SRGAP1: variants seen among roughly 807,000 people sequenced by gnomAD.
The protein encoded by SRGAP1 is SLIT-ROBO Rho GTPase-activating protein 1.
In SRGAP1, 43 loss-of-function variants were observed where a neutral mutation model predicts 121.9. The observed-to-expected ratio is 0.35, with a 90% CI of 0.28 to 0.46. The LOEUF is 0.46. SRGAP1 is among the 20% of genes least tolerant of loss of function. SRGAP1 has a pLI of 1.00. For synonymous variants in SRGAP1, 447 were observed against 485.4 expected (o/e 0.92, Z 1.04); for missense variants, 1,102 against 1,350.9 (o/e 0.82, Z 2.89).
intron 8 of SRGAP1, among the ~76,000 whole-genome samples, chr12:64,075,079 A>T (rs1282383969): frequency 6.6e-6 from 1 of 152,102 alleles, no homozygotes; most frequent in Non-Finnish European, 1.5e-5. Flanking sequence ...ACACGCACAG[A>T]AATATAGAGG....
intron 1 of SRGAP1, among the ~76,000 whole-genome samples, chr12:63,908,620 C>T (rs1208357931): frequency 2.0e-5 from 3 of 152,170 alleles, no homozygotes; most frequent in Admixed American, 1.3e-4. Context: ...GAACTCCTGA[C>T]CTCAAGTGAT....
intron 8 of SRGAP1, among the ~76,000 whole-genome samples, chr12:64,073,078 C>T (rs1046294215): frequency 3.9e-5 from 6 of 152,098 alleles, no homozygotes; most frequent in Admixed American, 2.6e-4. Context: ...TTAGCTGTTT[C>T]ATATTTGCCT....
intron 4 of SRGAP1, among the ~76,000 whole-genome samples, chr12:64,024,505 T>C (rs1180010717): frequency 6.6e-6 from 1 of 152,202 alleles, no homozygotes; most frequent in Non-Finnish European, 1.5e-5. Flanking sequence ...AGCCTTTCAT[T>C]TAGCTTTAGT....
intron 8 of SRGAP1, among the ~76,000 whole-genome samples, chr12:64,073,839 C>G (rs1329368520): frequency 6.8e-6 from 1 of 146,864 alleles, no homozygotes; most frequent in East Asian, 2.0e-4. Flanking sequence ...GTTCATGATT[C>G]TTTTTGCGTT....
chr12:64,133,114 G>A (rs2036810691), intron 21 of SRGAP1, among the ~76,000 whole-genome samples: 1 of 152,214 alleles, frequency 6.6e-6, no homozygotes, highest in South Asian at 2.1e-4. Flanking sequence ...AGAGTTGAAT[G>A]AGGATGTGGT....
At chr12:64,101,308 GGTGTGTGT>G (rs59020353) in intron 15 of SRGAP1, among the ~76,000 whole-genome samples, 2,229 of 138,080 alleles carry the variant, frequency 0.016, 49 homozygotes, top group African/African-American at 0.056. Flanking sequence ...TGGGGAAAGG[GGTGTGTGT>G]GTGTGTGTGT....
intron 8 of SRGAP1, among the ~76,000 whole-genome samples, chr12:64,071,089 T>G (rs764217774): frequency 1.3e-5 from 2 of 152,232 alleles, no homozygotes; most frequent in Non-Finnish European, 2.9e-5. Flanking sequence ...AAAAGATAAC[T>G]GCCATTTGTT....
At chr12:63,975,888 G>T (rs547503264) in intron 1 of SRGAP1, among the ~76,000 whole-genome samples, 1 of 152,126 alleles carries the variant, frequency 6.6e-6, no homozygotes, top group Non-Finnish European at 1.5e-5. Context: ...GAGGGTTTTT[G>T]TTGTTTTTAT....
At chr12:63,988,432 C>T (rs2033472527) in intron 2 of SRGAP1, among the ~76,000 whole-genome samples, 1 of 152,122 alleles carries the variant, frequency 6.6e-6, no homozygotes. Context: ...AGGGAGATCT[C>T]AGGGTAGAGG....
intron 4 of SRGAP1, among the ~76,000 whole-genome samples, chr12:64,038,391 CAA>C (rs2136498529): frequency 6.6e-6 from 1 of 152,180 alleles, no homozygotes; most frequent in Admixed American, 6.5e-5. Flanking sequence ...GTAAAGTAAT[CAA>C]GAGGCATTAA....
chr12:64,126,027 G>A lies in SRGAP1; in HGVS notation c.2275G>A (p.Ala759Thr), dbSNP rs754818921. 59 of 1,614,014 alleles carry A rather than the reference G, an allele frequency of 3.7e-5. No homozygotes were observed. The highest frequency in any genetic ancestry group is 6.7e-5 in the East Asian group (3 of 44,888). Reference protein sequence around the residue: ...IAKFDYVGRSARELSFKKGAS... With the variant: ...IAKFDYVGRSTRELSFKKGAS... ...CAAGTTTGACTATGTTGGGCGGTCT[G>A]CCAGAGAACTATCCTTCAAGAAGGG... Residue 759 changes from alanine (A) to threonine (T), a missense_variant, in exon 19 of 22, where the codon GCC becomes ACC. Ala to Thr is a moderately conservative substitution (Grantham distance 58). Around this residue, in one of 3 missense-constraint regions of SRGAP1, gnomAD observed 747 missense variants for 929.4 expected, o/e 0.80. Coordinates refer to ENST00000355086, the MANE Select transcript of SRGAP1 (RefSeq NM_020762.4).
chr12:64,072,572 G>A (rs1476314149), intron 8 of SRGAP1, among the ~76,000 whole-genome samples: 1 of 152,126 alleles, frequency 6.6e-6, no homozygotes, highest in Non-Finnish European at 1.5e-5. Flanking sequence ...GAGGGAAGAT[G>A]ATATGAAGAG....
intron 8 of SRGAP1, among the ~76,000 whole-genome samples, chr12:64,068,680 T>C (rs867386291): frequency 3.3e-5 from 5 of 152,016 alleles, no homozygotes; most frequent in Middle Eastern, 3.4e-3. Context: ...TGAAAGTTAT[T>C]TGCTGTCCTT....
At chr12:64,113,302 G>A (rs1479446396) in intron 17 of SRGAP1, among the ~76,000 whole-genome samples, 7 of 152,162 alleles carry the variant, frequency 4.6e-5, no homozygotes, top group African/African-American at 1.2e-4. Flanking sequence ...CAGCTACTCC[G>A]GAGGCTGAGT....
intron 3 of SRGAP1, among the ~76,000 whole-genome samples, chr12:64,002,061 C>T (rs932163199): frequency 6.6e-6 from 1 of 152,204 alleles, no homozygotes; most frequent in Non-Finnish European, 1.5e-5. Context: ...TCTTTTCCTT[C>T]AGTATCCTCC....
In SRGAP1 at chr12:64,156,208, G is replaced by C. The variant is rs1376746473; in HGVS notation, c.*13536G>C. ...CACACTTGAAATATAAATTTTTAAAGACATTTTATTCTTTTTTGTCTTCAT... is the reference window on the plus strand; with the variant it reads ...CACACTTGAAATATAAATTTTTAAACACATTTTATTCTTTTTTGTCTTCAT... On this transcript the variant is annotated 3_prime_UTR_variant, in exon 22 of 22. Coordinates refer to ENST00000355086, the MANE Select transcript of SRGAP1 (RefSeq NM_020762.4). 1 of 152,094 alleles carries C rather than the reference G, an allele frequency of 6.6e-6. No homozygotes were observed. 9.4% of individuals were successfully genotyped at this position (152,094 alleles called of 1,614,324 possible).
chr12:63,915,437 G>A (rs2030728130), intron 1 of SRGAP1, among the ~76,000 whole-genome samples: 1 of 152,138 alleles, frequency 6.6e-6, no homozygotes, highest in African/African-American at 2.4e-5. Context: ...CAAAAGAATG[G>A]GGGCATTCTA....
chr12:63,860,910 A>G (rs758583684), intron 1 of SRGAP1, among the ~76,000 whole-genome samples: 2 of 150,418 alleles, frequency 1.3e-5, no homozygotes, highest in African/African-American at 2.4e-5. Flanking sequence ...ATCATTGTGC[A>G]TTATAGCCTG....
chr12:64,126,072 C>T lies in SRGAP1; in HGVS notation c.2320C>T (p.His774Tyr). The T allele has an allele frequency of 6.2e-7, 1 of 1,614,190 alleles. No homozygotes were observed. The highest frequency in any genetic ancestry group is 8.5e-7 in the Non-Finnish European group (1 of 1,180,030). Residue 774 changes from histidine to tyrosine, a missense_variant, in exon 19 of 22, where the codon CAC (histidine) becomes TAC (tyrosine). By Grantham distance (83) the His-to-Tyr change is moderately conservative. This residue lies in a region of SRGAP1 where 40 missense variants were observed against 78.4 expected (regional missense o/e 0.51). Coordinates refer to ENST00000355086, the MANE Select transcript of SRGAP1 (RefSeq NM_020762.4). ...FKKGASLLLYHRASEDWWEGR... is the reference protein window; with the variant it reads ...FKKGASLLLYYRASEDWWEGR... ...GAAGGGTGCCTCCCTGCTGCTGTAT[C>T]ACCGTGCATCTGAGGACTGGTGGGA...
Sources: allele counts gnomAD v4.1 joint callset (sites outside exome capture counted in the v4.1 genomes callset), GRCh38; gene constraint gnomAD v4.1.1; regional missense constraint gnomAD v4.1.1; transcripts MANE v1.5; gene names NCBI Gene and HGNC (gene_info 2026-07-23, HGNC 2026-07-21).